Variants in VIRMA observed in about 807,000 individuals in gnomAD.
The protein encoded by VIRMA is protein virilizer homolog.
A neutral mutation model predicts 182.4 loss-of-function variants in VIRMA; 65 were observed. The observed-to-expected ratio is 0.36, with a 90% CI of 0.29 to 0.44. The LOEUF (loss-of-function observed/expected upper bound fraction) is 0.44. Among genes scored for constraint, VIRMA ranks in the 20% least tolerant of loss-of-function variants. VIRMA has a pLI of 1.00. For missense variants in VIRMA, 1,752 were observed against 2,158.1 expected (o/e 0.81, Z 3.73); for synonymous variants, 709 against 743.1 (o/e 0.95, Z 0.75).
chr8:94,549,707 G>A (rs1474326163), intron 1 of VIRMA, among the ~76,000 whole-genome samples: 1 of 152,224 alleles, frequency 6.6e-6, no homozygotes, highest in African/African-American at 2.4e-5. Context: ...AAAAATGTAT[G>A]ATGGTGGATC....
At chr8:94,518,878 CTA>C in intron 9 of VIRMA, 105 bp downstream of exon 9, 1 of 1,031,920 alleles carries the variant, frequency 9.7e-7, no homozygotes, top group Non-Finnish European at 1.4e-6. Flanking sequence ...TATATCAAAA[CTA>C]TAGTTTTTCC....
intron 16 of VIRMA, among the ~76,000 whole-genome samples, chr8:94,500,713 A>C (rs1221737326): frequency 6.7e-6 from 1 of 149,046 alleles, no homozygotes; most frequent in Non-Finnish European, 1.5e-5. Flanking sequence ...GGTTAAACAC[A>C]CACACCTATC....
chr8:94,492,306 C>T (rs3102855), intron 21 of VIRMA, among the ~76,000 whole-genome samples: 86,931 of 147,390 alleles, frequency 0.59, 25,896 homozygotes, highest in East Asian at 0.81. Flanking sequence ...TTTTGAGAGA[C>T]AGAGTCTTGC....
chr8:94,543,897 T>G lies in VIRMA; in HGVS notation c.109A>C (p.Ile37Leu), dbSNP rs1358223508. 8 of 1,612,994 alleles carry G rather than the reference T, an allele frequency of 5.0e-6. No individual in the cohort carries two copies. The highest frequency in any genetic ancestry group is 6.8e-6 in the Non-Finnish European group (8 of 1,179,344). ...DVVRFPCVVY[I>L]NEVRVIPPGV... ...GGGGGTATGACTCGGACTTCATTGA[T>G]ATAAACCACACATGGAAAACGAACC... Residue 37 changes from isoleucine (I) to leucine (L), a missense_variant, in exon 2 of 24, where the codon ATC becomes CTC. Physicochemically the swap from Ile to Leu is conservative, Grantham distance 5. Transcript: ENST00000297591.
intron 11 of VIRMA, among the ~76,000 whole-genome samples, chr8:94,513,920 A>G (rs1055780047): frequency 1.3e-5 from 2 of 152,256 alleles, no homozygotes; most frequent in African/African-American, 2.4e-5. Context: ...GAGTTGGAGT[A>G]CAAGAAGACA....
In VIRMA at chr8:94,487,718, C is replaced by T. The variant is rs1451566107; in HGVS notation, c.*988G>A. 2.0e-5 allele frequency: 3 copies of T among 152,134 alleles called. No individual in the cohort carries two copies. Among genetic ancestry groups the T allele is most frequent in the Admixed American group, 6.5e-5 (1 of 15,270 alleles). 9.4% of individuals were successfully genotyped at this position (152,134 alleles called of 1,614,324 possible). A position where few individuals can be genotyped will look rare whatever the true frequency, so the allele number is the denominator to read the frequency against. On this transcript the variant is annotated 3_prime_UTR_variant, in exon 24 of 24. Transcript: ENST00000297591. ...CTGATTAAGATAACTCTGTATTTTA[C>T]GCCACTTATATAGACTCAGTGTGTT...
At chr8:94,521,054 T>A (rs200190025) in intron 8 of VIRMA, among the ~76,000 whole-genome samples, 171 of 134,864 alleles carry the variant, frequency 1.3e-3, no homozygotes, top group East Asian at 6.3e-3. Context: ...TTTTTTTTTT[T>A]AAATTTTTTA....
intron 16 of VIRMA, among the ~76,000 whole-genome samples, chr8:94,502,621 A>G (rs1814030059): frequency 6.6e-6 from 1 of 152,150 alleles, no homozygotes; most frequent in Non-Finnish European, 1.5e-5. Flanking sequence ...AAGAGCAATA[A>G]ACACACCCAG....
intron 8 of VIRMA, among the ~76,000 whole-genome samples, chr8:94,520,237 G>A (rs1296039421): frequency 6.8e-6 from 1 of 147,498 alleles, no homozygotes; most frequent in African/African-American, 2.5e-5. Flanking sequence ...GCTCACACCT[G>A]TAATCCCAGC....
intron 1 of VIRMA, among the ~76,000 whole-genome samples, chr8:94,549,588 T>C (rs1462572701): frequency 1.3e-5 from 2 of 152,198 alleles, no homozygotes; most frequent in East Asian, 1.9e-4. Flanking sequence ...ACATAATCAG[T>C]TGCCATCCTG....
At chr8:94,534,736 A>C (rs1815277965) in intron 5 of VIRMA, 103 bp downstream of exon 5, 19 of 1,407,858 alleles carry the variant, frequency 1.3e-5, no homozygotes, top group Non-Finnish European at 1.9e-5. Context: ...CCTCTCAAGA[A>C]ATAAAACAAA....
rs59429647 is a variant in VIRMA at position 94,534,777 on chromosome 8, ATT to A, written c.484+60_484+61del. ...AAGGTAAAAGAGTGCTCTTCGAATTATTTTTTTTTTTTAAACCACGGATATAA... is the reference window on the plus strand; with the variant it reads ...AAGGTAAAAGAGTGCTCTTCGAATTATTTTTTTTTTAAACCACGGATATAA... On this transcript the variant is annotated intron_variant, in intron 5 of 23. Coordinates refer to ENST00000297591, the MANE Select transcript of VIRMA (RefSeq NM_015496.5). 1,021 of 1,361,072 alleles carry A rather than the reference ATT, an allele frequency of 7.5e-4. 1 individual carries two copies. The highest frequency in any genetic ancestry group is 3.9e-3 in the African/African-American group (262 of 67,534). 84.3% of individuals were successfully genotyped at this position (1,361,072 alleles called of 1,614,324 possible).
Position 94,517,773 on chromosome 8 carries a change from C to CT in VIRMA, c.2668+14dup. 1 of 1,556,986 alleles carries CT rather than the reference C, an allele frequency of 6.4e-7. No homozygotes were observed. The highest frequency in any genetic ancestry group is 8.8e-7 in the Non-Finnish European group (1 of 1,142,632). On this transcript the variant is annotated intron_variant, in intron 10 of 23. Transcript: ENST00000297591. ...CACATATTACAAATGCTTAAAATAA[C>CT]TTTAAGTACCATACCTTGCAATTTA...
chr8:94,526,838 C>G lies in VIRMA; in HGVS notation c.1406G>C (p.Cys469Ser). 6.2e-7 allele frequency: 1 copy of G among 1,614,226 alleles called. No individual in the cohort carries two copies. Among genetic ancestry groups the G allele is most frequent in the Non-Finnish European group, 8.5e-7 (1 of 1,180,036 alleles). ...CAGTCCTGTAACTCCTTGAGCCCCA[C>G]ATTCTGCTAGTGAGGACACTAATTT... Reference protein sequence around the residue: ...GTKLVSSLAECGAQGVTGLLQ... With the variant: ...GTKLVSSLAESGAQGVTGLLQ... Residue 469 changes from cysteine (C) to serine (S), a missense_variant, in exon 8 of 24, where the codon TGT (cysteine) becomes TCT (serine). Transcript: ENST00000297591.
chr8:94,528,256 A>G (rs1426092940), intron 7 of VIRMA, among the ~76,000 whole-genome samples: 1 of 151,650 alleles, frequency 6.6e-6, no homozygotes. Flanking sequence ...AAAAAGAAAG[A>G]AAAAAAGAAA....
intron 10 of VIRMA, among the ~76,000 whole-genome samples, chr8:94,516,534 ATAG>A (rs1177937437): frequency 6.6e-6 from 1 of 152,188 alleles, no homozygotes; most frequent in Non-Finnish European, 1.5e-5. Context: ...GAAATAGAAA[ATAG>A]TAGCCAGGTC....
In VIRMA at chr8:94,488,624, G is replaced by T; in HGVS notation, c.*82C>A. ...TCAGATGTCTCCAGATAACTGCTAA[G>T]TCTAAATTGGTCCTTCAATGTCTTA... On this transcript the variant is annotated 3_prime_UTR_variant, in exon 24 of 24. Transcript: ENST00000297591. 1.5e-6 allele frequency: 2 copies of T among 1,349,574 alleles called. No individual in the cohort carries two copies. Among genetic ancestry groups the T allele is most frequent in the Non-Finnish European group, 2.1e-6 (2 of 969,492 alleles). 83.6% of individuals were successfully genotyped at this position (1,349,574 alleles called of 1,614,324 possible). A position where few individuals can be genotyped will look rare whatever the true frequency, so the allele number is the denominator to read the frequency against.
Position 94,519,334 on chromosome 8 carries a change from T to C in VIRMA, c.2164A>G (p.Met722Val), listed in dbSNP as rs769940600. Residue 722 changes from methionine to valine, a missense_variant, in exon 9 of 24, where the codon ATG (methionine) becomes GTG (valine). Met to Val is a conservative substitution (Grantham distance 21). Transcript: ENST00000297591. ...AAATTTGTTGCTTCATATTCCGACA[T>C]AAAAAAAAGAAGACCCTTCTGTGAC... Reference protein sequence around the residue: ...AQSQKGLLFFMSEYEATNLLI... With the variant: ...AQSQKGLLFFVSEYEATNLLI... 1 of 1,604,992 alleles carries C rather than the reference T, an allele frequency of 6.2e-7. No individual in the cohort carries two copies. The highest frequency in any genetic ancestry group is 1.7e-5 in the Admixed American group (1 of 57,178).
intron 7 of VIRMA, 64 bp from the exon 8 acceptor site, chr8:94,527,427 T>C: frequency 6.9e-6 from 7 of 1,011,582 alleles, no homozygotes; most frequent in Non-Finnish European, 9.6e-6. Flanking sequence ...TAAATTCTGA[T>C]TGAACAAGAA....
Sources: allele counts gnomAD v4.1 joint callset (sites outside exome capture counted in the v4.1 genomes callset), GRCh38; gene constraint gnomAD v4.1.1; transcripts MANE v1.5; gene names NCBI Gene and HGNC (gene_info 2026-07-23, HGNC 2026-07-21).